Variants in CLASRP observed in about 807,000 individuals in gnomAD.
The protein encoded by CLASRP is CLK4 associating serine/arginine rich protein.
In CLASRP, 52 loss-of-function variants were observed where a neutral mutation model predicts 99.9. The ratio of observed to expected loss-of-function variants is 0.52; its 90% confidence interval spans 0.42 to 0.66. The LOEUF is 0.66. Among genes scored for constraint, CLASRP ranks in the 30% least tolerant of loss-of-function variants. The probability of loss-of-function intolerance (pLI) is 0.00; values close to 1 mark genes in which losing one functional copy is unlikely to be tolerated. For missense variants in CLASRP, 848 were observed against 999.2 expected, an observed-to-expected ratio of 0.85 and a Z score of 2.04; for synonymous variants, 379 against 373.0, an observed-to-expected ratio of 1.02 and a Z score of -0.18.
chr19:45,069,975 A>C (rs1322835209), intron 18 of CLASRP, 47 bp from the exon 19 acceptor site: 1 of 1,050,876 alleles, frequency 9.5e-7, no homozygotes, highest in African/African-American at 1.6e-5. Context: ...CCCTGAGTTC[A>C]GTGTGTCCAG....
At chr19:45,062,314 T>C in intron 11 of CLASRP, 119 bp downstream of exon 11, 1 of 720,392 alleles carries the variant, frequency 1.4e-6, no homozygotes, top group South Asian at 1.5e-5. Flanking sequence ...ACAGACTGCA[T>C]GATATGTTCT....
intron 2 of CLASRP, among the ~76,000 whole-genome samples, chr19:45,044,867 T>C (rs1340731335): frequency 6.6e-6 from 1 of 152,164 alleles, no homozygotes; most frequent in South Asian, 2.1e-4. Flanking sequence ...TGGGTTCAAA[T>C]TCTAGCGATC....
Position 45,064,597 on chromosome 19 carries a change from G to C in CLASRP, c.1376G>C (p.Arg459Pro), listed in dbSNP as rs759037180. ...CACCGGTACTCCCGCTCGCCCGCCC[G>C]GCGTGGTGGTTACGGGCCCCGGCGC... ...DGHRYSRSPA[R>P]RGGYGPRRRS... Residue 459 changes from arginine to proline, a missense_variant, in exon 13 of 21, where the codon CGG (arginine) becomes CCG (proline). Transcript: ENST00000221455. 1.9e-6 allele frequency: 3 copies of C among 1,549,844 alleles called. No homozygotes were observed. The highest frequency in any genetic ancestry group is 1.2e-5 in the South Asian group (1 of 85,016).
Position 45,070,946 on chromosome 19 carries a change from A to T in CLASRP, c.*101A>T. 1 of 758,518 alleles carries T rather than the reference A, an allele frequency of 1.3e-6. No homozygotes were observed. The highest frequency in any genetic ancestry group is 2.2e-6 in the Non-Finnish European group (1 of 463,026). 47.0% of individuals were successfully genotyped at this position (758,518 alleles called of 1,614,324 possible). On this transcript the variant is annotated 3_prime_UTR_variant, in exon 21 of 21. Coordinates refer to ENST00000221455, the MANE Select transcript of CLASRP (RefSeq NM_007056.3). ...AGTGAAATAAAGTCAAAAGTTATTT[A>T]ATTCCCGTCACCTGTCTCAGTGTCA...
In CLASRP at chr19:45,060,975, G is replaced by A. The variant is rs1392939160; in HGVS notation, c.863+348G>A. Among the ~76,000 whole-genome samples the A allele has an allele frequency of 2.0e-5, 3 of 152,164 alleles. No individual in the cohort carries two copies. The highest frequency in any genetic ancestry group is 2.9e-5 in the Non-Finnish European group (2 of 68,032). On this transcript the variant is annotated intron_variant, in intron 10 of 20. Coordinates refer to ENST00000221455, the MANE Select transcript of CLASRP (RefSeq NM_007056.3). This position sits in a 1 kb window ranked among gnomAD's most constrained non-coding sequence, Gnocchi z 4.6. ...CTGCTGCTTGGCTTCTTCCTGTGTC[G>A]GAGTTTGGACAAGTGACTTCCCGAA...
chr19:45,052,958 G>C, intron 4 of CLASRP, 66 bp downstream of exon 4: 2 of 1,535,752 alleles, frequency 1.3e-6, no homozygotes, highest in Non-Finnish European at 1.8e-6. Flanking sequence ...TCTTTTCCCA[G>C]CCTACCTGTC....
At position 45,070,856 on chromosome 19, in the gene CLASRP, G is replaced by A. The variant is rs770925637; in HGVS notation, c.*11G>A. 4 of 1,553,908 alleles carry A rather than the reference G, an allele frequency of 2.6e-6. No individual in the cohort carries two copies. Among genetic ancestry groups the A allele is most frequent in the Non-Finnish European group, 3.5e-6 (4 of 1,129,594 alleles). ...CATTACCGACATTAGGCAGAAGAGT[G>A]GGGGGTGGGGAGGACAAGGGGGTGG... On this transcript the variant is annotated 3_prime_UTR_variant, in exon 21 of 21. Transcript: ENST00000221455.
intron 2 of CLASRP, among the ~76,000 whole-genome samples, chr19:45,048,538 A>G (rs936277922): frequency 1.3e-5 from 2 of 150,502 alleles, no homozygotes; most frequent in South Asian, 2.1e-4. Flanking sequence ...AAAACAGACA[A>G]ACAAAAAATT....
intron 13 of CLASRP, among the ~76,000 whole-genome samples, chr19:45,066,478 C>G (rs1729784942): frequency 6.6e-6 from 1 of 151,522 alleles, no homozygotes; most frequent in Non-Finnish European, 1.5e-5. Flanking sequence ...CAAAAATTAG[C>G]CGGGTGTGGT....
rs1401429800 is a variant in CLASRP at position 45,070,519 on chromosome 19, CTGT to C, written c.1958-13_1958-11del. The stretch of plus-strand genomic sequence containing the variant: ...CCCTGGATGTTTGCTCGCTCTTCAC[CTGT>C]TGTTTTCTTTCCAGGTCGAGAATAC... On this transcript the variant is annotated splice_polypyrimidine_tract_variant and intron_variant, in intron 19 of 20. Coordinates refer to ENST00000221455, the MANE Select transcript of CLASRP (RefSeq NM_007056.3). 9 of 1,613,602 alleles carry C rather than the reference CTGT, an allele frequency of 5.6e-6. 1 individual carries two copies. Among genetic ancestry groups the C allele is most frequent in the Admixed American group, 3.3e-5 (2 of 60,024 alleles).
chr19:45,069,051 T>C lies in CLASRP; in HGVS notation c.1769-15T>C, dbSNP rs912578053. 6.2e-7 allele frequency: 1 copy of C among 1,612,996 alleles called. No individual in the cohort carries two copies. Among genetic ancestry groups the C allele is most frequent in the Non-Finnish European group, 8.5e-7 (1 of 1,179,610 alleles). On this transcript the variant is annotated splice_polypyrimidine_tract_variant and intron_variant, in intron 16 of 20. Transcript: ENST00000221455. ...TAAGGGAACCCCTCAGCCACCCTGT[T>C]CTTTCTCTCTACAGTCAAGGCGGAT...
chr19:45,059,134 AC>A, intron 7 of CLASRP, 133 bp from the exon 8 acceptor site: 1 of 737,072 alleles, frequency 1.4e-6, no homozygotes, highest in Admixed American at 2.2e-5. Flanking sequence ...GATGAGCCAG[AC>A]TTGATGCCAT....
intron 17 of CLASRP, 38 bp from the exon 18 acceptor site, chr19:45,069,164 C>T (rs1442258427): frequency 6.2e-7 from 1 of 1,613,960 alleles, no homozygotes; most frequent in South Asian, 1.1e-5. Flanking sequence ...CGGGTGGGTG[C>T]TGGCCTGGCC....
chr19:45,060,245 C>T lies in CLASRP; in HGVS notation c.711-144C>T. On this transcript the variant is annotated intron_variant, in intron 8 of 20. Coordinates refer to ENST00000221455, the MANE Select transcript of CLASRP (RefSeq NM_007056.3). The surrounding 1 kb of genome is among the most constrained non-coding windows in gnomAD (Gnocchi z 4.6). Reference sequence around the variant, plus strand: ...GATAGCACCTGGCACACAGAGGGTGCTTGATAAGTGGCATTGAATGAAAGA... The same window carrying T: ...GATAGCACCTGGCACACAGAGGGTGTTTGATAAGTGGCATTGAATGAAAGA... The T allele has an allele frequency of 1.5e-6, 1 of 686,622 alleles. No individual in the cohort carries two copies. Among genetic ancestry groups the T allele is most frequent in the South Asian group, 1.7e-5 (1 of 59,446 alleles). The allele number at this position is 686,622 out of a possible 1,614,324, so 42.5% of individuals were successfully genotyped here.
At position 45,053,108 on chromosome 19, in the gene CLASRP, C is replaced by T. The variant is rs1372967790; in HGVS notation, c.310C>T (p.Gln104Ter). Residue 104 changes from glutamine (Q) to a stop codon, truncating the protein, a stop_gained, in exon 5 of 21, where the codon CAG becomes TAG. Transcript: ENST00000221455. LOFTEE classifies it high-confidence loss of function. ...PPLLTTISPE[Q>*]ESDERKCNYE... Reference sequence around the variant, plus strand: ...CGCCCTTCCCTAAAGCTCCCCAGAACAGGAGTCGGACGAACGGAAGTGTAA... The same window carrying T: ...CGCCCTTCCCTAAAGCTCCCCAGAATAGGAGTCGGACGAACGGAAGTGTAA... 1 of 1,613,996 alleles carries T rather than the reference C, an allele frequency of 6.2e-7. No individual in the cohort carries two copies. Among genetic ancestry groups the T allele is most frequent in the Non-Finnish European group, 8.5e-7 (1 of 1,179,998 alleles).
intron 5 of CLASRP, among the ~76,000 whole-genome samples, chr19:45,054,438 C>T (rs1055592933): frequency 4.6e-5 from 7 of 152,130 alleles, no homozygotes; most frequent in East Asian, 1.9e-4. Context: ...TTAGTAGAGA[C>T]GGGGATTTCA....
At position 45,064,221 on chromosome 19, in the gene CLASRP, G is replaced by A; in HGVS notation, c.1115G>A (p.Ser372Asn). The change falls in exon 12 of 21, where the codon AGC (serine) becomes AAC (asparagine). Residue 372 changes from serine (S) to asparagine (N), a missense_variant. Physicochemically the swap from Ser to Asn is conservative, Grantham distance 46. Coordinates refer to ENST00000221455, the MANE Select transcript of CLASRP (RefSeq NM_007056.3). ...GGCCCCGCCCCGGGACGTAATGCCA[G>A]CGCCCGGTCGGTAACGCTCACGCCG... ...PGGPAPGRNA[S>N]ARRRSSSSSS... 6.3e-7 allele frequency: 1 copy of A among 1,590,646 alleles called. No homozygotes were observed. Among genetic ancestry groups the A allele is most frequent in the Non-Finnish European group, 8.5e-7 (1 of 1,169,920 alleles).
At chr19:45,040,128 T>G in intron 1 of CLASRP, 56 bp from the exon 2 acceptor site, 1 of 924,662 alleles carries the variant, frequency 1.1e-6, no homozygotes, top group Non-Finnish European at 1.7e-6. Flanking sequence ...TGACTTTGAT[T>G]CTGCCCATAC....
At chr19:45,054,000 T>G (rs188237518) in intron 5 of CLASRP, among the ~76,000 whole-genome samples, 230 of 152,372 alleles carry the variant, frequency 1.5e-3, no homozygotes, top group African/African-American at 5.4e-3. Context: ...AAATTTCTCC[T>G]TGATTTAAAT....
Sources: allele counts gnomAD v4.1 joint callset (sites outside exome capture counted in the v4.1 genomes callset), GRCh38; gene constraint gnomAD v4.1.1; non-coding constraint Gnocchi (gnomAD v3.1); transcripts MANE v1.5; gene names NCBI Gene and HGNC (gene_info 2026-07-23, HGNC 2026-07-21).